Variants in TWIST2 observed in about 807,000 individuals in gnomAD.
TWIST2 encodes the protein twist-related protein 2.
In TWIST2, 1 loss-of-function variant was observed where a neutral mutation model predicts 11.6. The observed-to-expected ratio is 0.09, with a 90% CI of 0.03 to 0.41. The LOEUF is 0.41. Among genes scored for constraint, TWIST2 ranks in the 10% least tolerant of loss-of-function variants. The pLI is 0.98. For synonymous variants in TWIST2, 87 were observed against 96.6 expected, an observed-to-expected ratio of 0.90 and a Z score of 0.58; for missense variants, 168 against 226.4, an observed-to-expected ratio of 0.74 and a Z score of 1.66.
rs1372744385 is a variant in TWIST2, at chr2:238,906,675, C to T, written c.*36-3167C>T. On this transcript the variant is annotated intron_variant, in intron 1 of 1. Transcript: ENST00000612363. ...ACTCACAGACACACACACGGGATGT[C>T]ACCGAGCACCACGTCACCCGTCCCT... 8.5e-5 allele frequency among the ~76,000 whole-genome samples: 13 copies of T among 152,318 alleles called. No individual in the cohort carries two copies. The East Asian group carries it at 2.5e-3, about 29-fold the overall frequency.
chr2:238,895,737 G>C (rs911462513), intron 1 of TWIST2, among the ~76,000 whole-genome samples: 1,642 of 152,298 alleles, frequency 0.011, 36 homozygotes, highest in African/African-American at 0.037. Context: ...CCTCAGCCCC[G>C]GTAGAGCCCG....
intron 1 of TWIST2, among the ~76,000 whole-genome samples, chr2:238,902,550 G>C (rs1693281940): frequency 6.7e-6 from 1 of 149,768 alleles, no homozygotes; most frequent in African/African-American, 2.5e-5. Context: ...GTGTGCATGT[G>C]TGTGCGATGT....
At chr2:238,898,005 C>A (rs1189231679) in intron 1 of TWIST2, among the ~76,000 whole-genome samples, 2 of 152,204 alleles carry the variant, frequency 1.3e-5, no homozygotes, top group Non-Finnish European at 2.9e-5. Flanking sequence ...GGCCTGGGTG[C>A]ACAGCTCTGT....
chr2:238,903,267 G>A (rs934325993), intron 1 of TWIST2, among the ~76,000 whole-genome samples: 18 of 146,940 alleles, frequency 1.2e-4, no homozygotes, highest in South Asian at 2.3e-4. Context: ...GTGTGTGTGC[G>A]ATGTGGGGTG....
intron 1 of TWIST2, among the ~76,000 whole-genome samples, chr2:238,893,295 G>A (rs893870127): frequency 2.6e-5 from 3 of 113,576 alleles, no homozygotes; most frequent in Non-Finnish European, 3.7e-5. Flanking sequence ...ACACAGTTTC[G>A]CATTTTAAAA....
chr2:238,890,936 G>A (rs976984978), intron 1 of TWIST2, among the ~76,000 whole-genome samples: 1 of 152,128 alleles, frequency 6.6e-6, no homozygotes, highest in African/African-American at 2.4e-5. Context: ...CAGATGCCAC[G>A]GGGTAGTCTC....
intron 1 of TWIST2, among the ~76,000 whole-genome samples, chr2:238,882,483 A>T (rs1692955356): frequency 6.6e-6 from 1 of 151,986 alleles, no homozygotes; most frequent in African/African-American, 2.4e-5. Context: ...GCCTTACAAA[A>T]CAGACAGCTC....
intron 1 of TWIST2, among the ~76,000 whole-genome samples, chr2:238,887,872 G>A (rs886236356): frequency 3.3e-5 from 5 of 152,206 alleles, no homozygotes; most frequent in Admixed American, 3.3e-4. Context: ...TGAGATTCAG[G>A]GGCTTCTTTG....
Position 238,905,487 on chromosome 2 carries a change from G to A in TWIST2, c.*36-4355G>A, listed in dbSNP as rs973946290. Among the ~76,000 whole-genome samples, 24 of 152,246 alleles carry A rather than the reference G, an allele frequency of 1.6e-4. No individual in the cohort carries two copies. In the South Asian group the frequency reaches 5.0e-3, roughly 32 times the overall value. ...AAGGGGGCCAGGCCCGGAGGCTCTC[G>A]GTCAAGAAGACTAATGAACCTGCCG... On this transcript the variant is annotated intron_variant, in intron 1 of 1. Coordinates refer to ENST00000612363, the MANE Select transcript of TWIST2 (RefSeq NM_001271893.4).
chr2:238,900,476 G>A (rs1693255556), intron 1 of TWIST2, among the ~76,000 whole-genome samples: 1 of 152,172 alleles, frequency 6.6e-6, no homozygotes, highest in Admixed American at 6.5e-5. Context: ...TTTGCACTGG[G>A]GGATTAGTCC....
chr2:238,868,996 C>T (rs1692596744), intron 1 of TWIST2, among the ~76,000 whole-genome samples: 1 of 152,200 alleles, frequency 6.6e-6, no homozygotes, highest in Admixed American at 6.5e-5. Flanking sequence ...ACAGTGTCGT[C>T]CGCACCAGCA....
At chr2:238,870,874 A>C (rs1399216576) in intron 1 of TWIST2, among the ~76,000 whole-genome samples, 1 of 57,340 alleles carries the variant, frequency 1.7e-5, no homozygotes, top group Non-Finnish European at 3.4e-5. Context: ...CACACACACC[A>C]CACACACACC....
rs1692524485 is a variant in TWIST2, at chr2:238,866,038, T to C, written c.*35+17305T>C. Among the ~76,000 whole-genome samples, 1 of 152,164 alleles carries C rather than the reference T, an allele frequency of 6.6e-6. No individual in the cohort carries two copies. The highest frequency in any genetic ancestry group is 2.4e-5 in the African/African-American group (1 of 41,426). ...TTTCCCAGTCACTGATCTGACTCCG[T>C]CGCTTAACCTGTTAATGGAATAGCA... On this transcript the variant is annotated intron_variant, in intron 1 of 1. Coordinates refer to ENST00000612363, the MANE Select transcript of TWIST2 (RefSeq NM_001271893.4). The surrounding 1 kb of genome is among the most constrained non-coding windows in gnomAD (Gnocchi z 4.9).
chr2:238,904,975 GAGAA>G (rs1220059196), intron 1 of TWIST2, among the ~76,000 whole-genome samples: 8 of 150,832 alleles, frequency 5.3e-5, no homozygotes, highest in African/African-American at 1.5e-4. Context: ...GGAAGGAAGA[GAGAA>G]AGAAAAAAAG....
Position 238,870,560 on chromosome 2 carries a change from A to C in TWIST2, c.*35+21827A>C, listed in dbSNP as rs868584299. ...TACATACCCCACACACCCCACACAC[A>C]CCACACACCACACACCACACACACA... On this transcript the variant is annotated intron_variant, in intron 1 of 1. Transcript: ENST00000612363. 7.4e-4 allele frequency among the ~76,000 whole-genome samples: 44 copies of C among 59,796 alleles called. 2 individuals carry two copies. Among genetic ancestry groups the C allele is most frequent in the African/African-American group, 2.0e-3 (26 of 12,846 alleles). The allele number at this position is 59,796 out of a possible 152,430, so 39.2% of individuals were successfully genotyped here. A position where few individuals can be genotyped will look rare whatever the true frequency, so the allele number is the denominator to read the frequency against.
chr2:238,865,511 G>A (rs554738285), intron 1 of TWIST2, among the ~76,000 whole-genome samples: 9 of 152,274 alleles, frequency 5.9e-5, no homozygotes, highest in South Asian at 2.1e-4. Flanking sequence ...GCGGGAGATC[G>A]GGTAGCTTCA....
At chr2:238,905,936 TGTGTGTGCGCGCGCGTGTGTAC>T (rs1224663877) in intron 1 of TWIST2, among the ~76,000 whole-genome samples, 10 of 112,300 alleles carry the variant, frequency 8.9e-5, no homozygotes, top group Non-Finnish European at 1.7e-4. Context: ...CGTGTGCGCG[TGTGTGTGCGCGCGCGTGTGTAC>T]GTGTGCGTGT....
chr2:238,907,756 C>T (rs1472095783), intron 1 of TWIST2, among the ~76,000 whole-genome samples: 2 of 150,952 alleles, frequency 1.3e-5, no homozygotes, highest in African/African-American at 4.9e-5. Flanking sequence ...AACACACACA[C>T]AAAAACACAC....
intron 1 of TWIST2, among the ~76,000 whole-genome samples, chr2:238,889,764 T>C (rs990467665): frequency 6.6e-6 from 1 of 152,238 alleles, no homozygotes; most frequent in Non-Finnish European, 1.5e-5. Context: ...TCTGATGCTC[T>C]GATACTCAGT....
Sources: allele counts gnomAD v4.1 joint callset (sites outside exome capture counted in the v4.1 genomes callset), GRCh38; gene constraint gnomAD v4.1.1; non-coding constraint Gnocchi (gnomAD v3.1); transcripts MANE v1.5; gene names NCBI Gene and HGNC (gene_info 2026-07-23, HGNC 2026-07-21).